The following RIC3 variants were observed in gnomAD, a reference collection of about 807,000 sequenced individuals.
The protein encoded by RIC3 is protein RIC-3.
Under a neutral mutation model 27.3 loss-of-function variants are expected in RIC3, and 28 were observed. That is an observed-to-expected ratio of 1.02 (90% CI 0.76 to 1.41). The LOEUF is 1.41. Among genes scored for constraint, RIC3 ranks in the 40% most tolerant of loss-of-function variants. The pLI, the probability that RIC3 is intolerant of heterozygous loss-of-function variation, is 0.00. For synonymous variants in RIC3, 184 were observed against 160.4 expected, an observed-to-expected ratio of 1.15 and a Z score of -1.11; for missense variants, 501 against 444.7, an observed-to-expected ratio of 1.13 and a Z score of -1.14.
intron 1 of RIC3, among the ~76,000 whole-genome samples, chr11:8,155,941 A>G (rs1950620734): frequency 1.3e-5 from 2 of 152,156 alleles, no homozygotes; most frequent in Non-Finnish European, 2.9e-5. Flanking sequence ...GGTCTCCTCC[A>G]AGGGCCCTAT....
chr11:8,138,491 CAAA>C, intron 2 of RIC3, 144 bp from the exon 3 acceptor site: 1 of 304,068 alleles, frequency 3.3e-6, no homozygotes, highest in Non-Finnish European at 5.9e-6. Flanking sequence ...AGAAATAGCT[CAAA>C]AAAAAAAACG....
At chr11:8,097,901 A>G in the RIC3 span, 1 of 1,158,920 alleles carries the variant, frequency 8.6e-7, no homozygotes, top group Non-Finnish European at 1.3e-6. Context: ...GAGGGCCTGA[A>G]TCTTCCTGAA....
downstream of RIC3, chr11:8,101,855 T>G: frequency 6.3e-6 from 3 of 475,812 alleles, no homozygotes; most frequent in South Asian, 3.6e-5. Context: ...ATTCTTTCCA[T>G]GCCACGAGAT....
chr11:8,151,788 T>C (rs1950258406), intron 1 of RIC3, among the ~76,000 whole-genome samples: 1 of 151,170 alleles, frequency 6.6e-6, no homozygotes, highest in Non-Finnish European at 1.5e-5. Context: ...TGGTGGTGCA[T>C]GCCTGTAATT....
At chr11:8,159,457 A>C (rs1950982522) in intron 1 of RIC3, among the ~76,000 whole-genome samples, 1 of 152,072 alleles carries the variant, frequency 6.6e-6, no homozygotes, top group South Asian at 2.1e-4. Flanking sequence ...TGAGGAGGGG[A>C]GAGATGTGAG....
At chr11:8,155,643 T>C (rs1033358002) in intron 1 of RIC3, among the ~76,000 whole-genome samples, 2 of 152,160 alleles carry the variant, frequency 1.3e-5, no homozygotes, top group Admixed American at 6.6e-5. Flanking sequence ...ACCATACCTA[T>C]TGCTAAAAAC....
At chr11:8,116,495 G>A (rs903735253) in intron 5 of RIC3, among the ~76,000 whole-genome samples, 7 of 152,136 alleles carry the variant, frequency 4.6e-5, no homozygotes, top group Non-Finnish European at 1.0e-4. Flanking sequence ...CTATGTAATG[G>A]GAGAAAATAT....
intron 1 of RIC3, among the ~76,000 whole-genome samples, chr11:8,150,573 T>C (rs573969395): frequency 6.6e-6 from 1 of 152,334 alleles, no homozygotes; most frequent in South Asian, 2.1e-4. Context: ...ATGACAAAGC[T>C]AATTAAAATT....
the RIC3 span, chr11:8,095,692 C>T: frequency 3.8e-6 from 6 of 1,562,584 alleles, no homozygotes; most frequent in Non-Finnish European, 1.7e-6. Flanking sequence ...CCCAGTGATA[C>T]CCCCAAAACT....
chr11:8,138,863 CT>C, intron 2 of RIC3: 1 of 207,004 alleles, frequency 4.8e-6, no homozygotes. Context: ...GCCTTTGCCT[CT>C]TTTAAAAAGT....
In RIC3 at chr11:8,148,935, C is replaced by T. The variant is rs185271435; in HGVS notation, c.125-8742G>A. 1.1e-4 allele frequency among the ~76,000 whole-genome samples: 16 copies of T among 149,540 alleles called. No homozygotes were observed. The Admixed American group carries it at 1.1e-3, about 10-fold the overall frequency. ...GTGGCTCACACCTGTAATCCCAGCA[C>T]TTTGGGAGGCTTAGGCGGGCAGATC... On this transcript the variant is annotated intron_variant, in intron 1 of 5. Coordinates refer to ENST00000309737, the MANE Select transcript of RIC3 (RefSeq NM_001206671.4).
chr11:8,152,095 T>C (rs1339962474), intron 1 of RIC3, among the ~76,000 whole-genome samples: 6 of 151,998 alleles, frequency 3.9e-5, no homozygotes, highest in African/African-American at 9.7e-5. Flanking sequence ...AAAAAGATAA[T>C]AGCAAGTGTT....
At chr11:8,163,040 CACACACACACATACACACACACACACA>C (rs1951332574) in intron 1 of RIC3, among the ~76,000 whole-genome samples, 2 of 147,006 alleles carry the variant, frequency 1.4e-5, no homozygotes, top group African/African-American at 5.1e-5. Flanking sequence ...CACACACACA[CACACACACACATACACACACACACACA>C]CCCCCCAAAA....
At chr11:8,113,309 G>C (rs1321784553) in intron 5 of RIC3, among the ~76,000 whole-genome samples, 2 of 152,166 alleles carry the variant, frequency 1.3e-5, no homozygotes, top group Non-Finnish European at 2.9e-5. Flanking sequence ...TAAGAGGGAA[G>C]GTCACCCAGA....
At chr11:8,101,914 A>G (rs1944325418), downstream of RIC3, 2 of 381,784 alleles carry the variant, frequency 5.2e-6, no homozygotes, top group Non-Finnish European at 9.5e-6. Flanking sequence ...AGTCGTACTT[A>G]CCAAGCTGAG....
intron 3 of RIC3, 84 bp from the exon 4 acceptor site, chr11:8,137,555 T>C: frequency 1.0e-6 from 1 of 1,000,076 alleles, no homozygotes; most frequent in Non-Finnish European, 1.5e-6. Context: ...AAAAAGCTAT[T>C]GTACTGTCTA....
At chr11:8,138,240 T>C (rs765016534) in intron 3 of RIC3, 32 bp downstream of exon 3, 10 of 1,458,432 alleles carry the variant, frequency 6.9e-6, no homozygotes, top group South Asian at 6.8e-5. Context: ...GACTCAATAA[T>C]ACCTGTGAAT....
chr11:8,118,513 G>C (rs1946111437), intron 5 of RIC3, among the ~76,000 whole-genome samples: 1 of 32,140 alleles, frequency 3.1e-5, no homozygotes, highest in Non-Finnish European at 6.7e-5. Context: ...CTATTGAATA[G>C]AAAGCCATAA....
intron 1 of RIC3, among the ~76,000 whole-genome samples, chr11:8,145,329 C>T (rs1178422273): frequency 1.3e-5 from 2 of 151,994 alleles, no homozygotes; most frequent in African/African-American, 4.8e-5. Context: ...CTCTATGGGG[C>T]CATAAGGTTT....
Sources: allele counts gnomAD v4.1 joint callset (sites outside exome capture counted in the v4.1 genomes callset), GRCh38; gene constraint gnomAD v4.1.1; transcripts MANE v1.5; gene names NCBI Gene and HGNC (gene_info 2026-07-23, HGNC 2026-07-21).